Variants in RCOR2 observed in about 807,000 individuals in gnomAD.
The protein encoded by RCOR2 is REST corepressor 2.
In RCOR2, 19 loss-of-function variants were observed where a neutral mutation model predicts 58.9. The ratio of observed to expected loss-of-function variants is 0.32; its 90% CI spans 0.23 to 0.47. The LOEUF is 0.47. RCOR2 is among the 20% of genes least tolerant of loss of function. RCOR2 has a pLI of 1.00. For missense variants in RCOR2, 590 were observed against 707.9 expected (o/e 0.83, Z 1.89); for synonymous variants, 286 against 278.7 (o/e 1.03, Z -0.26).
At chr11:63,917,979 GC>G (rs1329614202), upstream of RCOR2, among the ~76,000 whole-genome samples, 1 of 152,128 alleles carries the variant, frequency 6.6e-6, no homozygotes, top group East Asian at 1.9e-4. Context: ...GACTTTCAAA[GC>G]CAGACCCAGC....
Position 63,912,065 on chromosome 11 carries a change from G to A in RCOR2, c.1372C>T (p.Pro458Ser). 1.4e-6 allele frequency: 2 copies of A among 1,466,458 alleles called. No homozygotes were observed. The highest frequency in any genetic ancestry group is 1.8e-6 in the Non-Finnish European group (2 of 1,115,134). 90.8% of individuals were successfully genotyped at this position (1,466,458 alleles called of 1,614,324 possible). A position where few individuals can be genotyped will look rare whatever the true frequency, so the allele number is the denominator to read the frequency against. Residue 458 changes from proline to serine, a missense_variant, in exon 12 of 12, where the codon CCC becomes TCC. Coordinates refer to ENST00000301459, the MANE Select transcript of RCOR2 (RefSeq NM_173587.4). ...TGTCGGAGCAGAGTGGGAGCCGTGG[G>A]CAAAGGTGGCCTCAGCAGCGGGGGT... Reference protein sequence around the residue: ...QPPPLLRPPLPTAPTLLRQPP... With the variant: ...QPPPLLRPPLSTAPTLLRQPP...
rs751062566 is a variant in RCOR2 at position 63,911,286 on chromosome 11, A to G, written c.*579T>C. The G allele has an allele frequency of 5.9e-5, 9 of 152,210 alleles. No individual in the cohort carries two copies. The highest frequency in any genetic ancestry group is 1.5e-5 in the Non-Finnish European group (1 of 68,058). 9.4% of individuals were successfully genotyped at this position (152,210 alleles called of 1,614,324 possible). A position where few individuals can be genotyped will look rare whatever the true frequency, so the allele number is the denominator to read the frequency against. On this transcript the variant is annotated 3_prime_UTR_variant, in exon 12 of 12. Coordinates refer to ENST00000301459, the MANE Select transcript of RCOR2 (RefSeq NM_173587.4). Reference sequence around the variant, plus strand: ...TGTTGAAAAATAAATCCATGTCTGCATAAGTTCCCAACCCCCATTTCTCCA... The same window carrying G: ...TGTTGAAAAATAAATCCATGTCTGCGTAAGTTCCCAACCCCCATTTCTCCA...
Position 63,916,408 on chromosome 11 carries a change from G to C in RCOR2, c.49C>G (p.Arg17Gly), listed in dbSNP as rs1303627722. The C allele has an allele frequency of 1.9e-6, 3 of 1,607,628 alleles. No individual in the cohort carries two copies. Among genetic ancestry groups the C allele is most frequent in the Non-Finnish European group, 2.5e-6 (3 of 1,177,878 alleles). The change falls in exon 1 of 12, where the codon CGT becomes GGT. Residue 17 changes from arginine (R) to glycine (G), a missense_variant. Transcript: ENST00000301459. Reference sequence around the variant, plus strand: ...TTGGGCACCGTCTTGGCCCGGCTACGGGACAGGATCCCAGAGCCCGCGCTC... The same window carrying C: ...TTGGGCACCGTCTTGGCCCGGCTACCGGACAGGATCCCAGAGCCCGCGCTC... The part of the protein sequence containing the change: ...KPSAGSGILS[R>G]SRAKTVPNGG...
intron 8 of RCOR2, 134 bp from the exon 9 acceptor site, chr11:63,913,081 C>A: frequency 1.4e-6 from 1 of 702,342 alleles, no homozygotes; most frequent in Admixed American, 2.7e-5. Context: ...CACCATCTGG[C>A]TTGTTCCTCC....
chr11:63,916,637 T>TC lies in RCOR2; in HGVS notation c.-182dup. The TC allele has an allele frequency of 9.5e-7, 1 of 1,053,524 alleles. No homozygotes were observed. Among genetic ancestry groups the TC allele is most frequent in the Non-Finnish European group, 1.3e-6 (1 of 758,712 alleles). 65.3% of individuals were successfully genotyped at this position (1,053,524 alleles called of 1,614,324 possible). ...GGAGCCCACCTGGTAGCCCCAGCGC[T>TC]CTCCACGACCCCCACGAGCCAGGGC... On this transcript the variant is annotated 5_prime_UTR_variant, in exon 1 of 12. Coordinates refer to ENST00000301459, the MANE Select transcript of RCOR2 (RefSeq NM_173587.4).
intron 3 of RCOR2, 57 bp from the exon 4 acceptor site, chr11:63,915,011 G>T: frequency 6.2e-7 from 1 of 1,605,008 alleles, no homozygotes; most frequent in South Asian, 1.1e-5. Context: ...CCTAACCCAG[G>T]CCTGTCCAGA....
Position 63,914,539 on chromosome 11 carries a change from C to T in RCOR2, c.483G>A (p.Leu161=). The change falls in exon 6 of 12, where the codon CTG becomes CTA. Residue 161 remains leucine (L), a splice_region_variant and synonymous_variant. Transcript: ENST00000301459. ...GKCFQRIQQM[L]PDKLIPSLVK... ...CCAGGCTGGGAATCAACTTGTCAGG[C>T]AGCTGGAGGAGGCAACGCCAGAAGC... 1 of 1,613,662 alleles carries T rather than the reference C, an allele frequency of 6.2e-7. No individual in the cohort carries two copies. The highest frequency in any genetic ancestry group is 2.2e-5 in the East Asian group (1 of 44,884).
At chr11:63,915,809 GTC>G (rs1941848926) in intron 1 of RCOR2, among the ~76,000 whole-genome samples, 198 bp from the exon 2 acceptor site, 1 of 152,194 alleles carries the variant, frequency 6.6e-6, no homozygotes, top group Non-Finnish European at 1.5e-5. Context: ...AAAAGACCCT[GTC>G]CAGCCATGGC....
chr11:63,913,082 T>C (rs1376700237), intron 8 of RCOR2, 135 bp from the exon 9 acceptor site: 2 of 703,590 alleles, frequency 2.8e-6, no homozygotes, highest in African/African-American at 3.6e-5. Flanking sequence ...ACCATCTGGC[T>C]TGTTCCTCCT....
chr11:63,912,394 G>A lies in RCOR2; in HGVS notation c.1168C>T (p.Gln390Ter). The A allele has an allele frequency of 6.2e-7, 1 of 1,613,804 alleles. No homozygotes were observed. Among genetic ancestry groups the A allele is most frequent in the Non-Finnish European group, 8.5e-7 (1 of 1,179,942 alleles). The change falls in exon 11 of 12, where the codon CAG (glutamine) becomes TAG (stop). Residue 390 changes from glutamine to a stop codon, truncating the protein, a stop_gained. Transcript: ENST00000301459. LOFTEE classifies it high-confidence loss of function. ...EEVLQEWEAE[Q>*]DGAPGAPVPM... ...ACTGGGGCTCCAGGGGCCCCATCCTGCTCAGCCTCCCATTCCTGCAGCACC... is the reference window on the plus strand; with the variant it reads ...ACTGGGGCTCCAGGGGCCCCATCCTACTCAGCCTCCCATTCCTGCAGCACC...
chr11:63,924,301 A>G, the RCOR2 span, among the ~76,000 whole-genome samples: 2 of 151,426 alleles, frequency 1.3e-5, no homozygotes, highest in Non-Finnish European at 2.9e-5. Flanking sequence ...TCCACCTCCC[A>G]GGTTAAAGCA....
At chr11:63,921,297 C>T (rs1941914711), upstream of RCOR2, among the ~76,000 whole-genome samples, 1 of 152,206 alleles carries the variant, frequency 6.6e-6, no homozygotes, top group African/African-American at 2.4e-5. Flanking sequence ...CTGGCGGTGA[C>T]CGCATGGACC....
the RCOR2 span, among the ~76,000 whole-genome samples, chr11:63,925,431 C>T: frequency 1.3e-5 from 2 of 152,062 alleles, no homozygotes; most frequent in Admixed American, 1.3e-4. Context: ...AAATGTAAGA[C>T]AAAAGACCAG....
chr11:63,927,147 C>T, the RCOR2 span, among the ~76,000 whole-genome samples: 1 of 147,894 alleles, frequency 6.8e-6, no homozygotes, highest in South Asian at 2.1e-4. Flanking sequence ...GGCCCCCTTG[C>T]TGTCTAATTC....
At chr11:63,923,984 C>T in the RCOR2 span, among the ~76,000 whole-genome samples, 1 of 152,240 alleles carries the variant, frequency 6.6e-6, no homozygotes, top group African/African-American at 2.4e-5. Context: ...TCTTGGCTCA[C>T]CACAACCTCC....
Position 63,914,668 on chromosome 11 carries a change from C to A in RCOR2, c.467G>T (p.Arg156Leu). 6.2e-7 allele frequency: 1 copy of A among 1,606,498 alleles called. No individual in the cohort carries two copies. Residue 156 changes from arginine to leucine, a missense_variant, in exon 5 of 12, where the codon CGG (arginine) becomes CTG (leucine). Arg to Leu is a moderately radical substitution (Grantham distance 102). Coordinates refer to ENST00000301459, the MANE Select transcript of RCOR2 (RefSeq NM_173587.4). ...GAAGGGCTTTACCATCTGCTGGATC[C>A]GCTGGAAGCATTTGCCATGGAAGCC... Reference protein sequence around the residue: ...AFGFHGKCFQRIQQMLPDKLI... With the variant: ...AFGFHGKCFQLIQQMLPDKLI...
intron 1 of RCOR2, 33 bp downstream of exon 1, chr11:63,916,296 CG>C: frequency 1.3e-6 from 2 of 1,569,868 alleles, no homozygotes; most frequent in Non-Finnish European, 1.7e-6. Context: ...CCCCCCAGGC[CG>C]GCGCGCCTTT....
chr11:63,924,340 T>C, the RCOR2 span, among the ~76,000 whole-genome samples: 1 of 152,200 alleles, frequency 6.6e-6, no homozygotes. Flanking sequence ...CCTGAGTAGC[T>C]GGGATTACAG....
rs1590732310 is a variant in RCOR2, at chr11:63,912,030, T to G, written c.1407A>C (p.Pro469=). The change falls in exon 12 of 12, where the codon CCA becomes CCC. Residue 469 remains proline (P), a synonymous_variant. Transcript: ENST00000301459. ...GCTGGAGGAAGCGGCCCTGCTGCAG[T>G]GGGGGTGGCTGTCGGAGCAGAGTGG... ...TAPTLLRQPP[P]LQQGRFLQPR... 3 of 1,166,946 alleles carry G rather than the reference T, an allele frequency of 2.6e-6. No homozygotes were observed. The highest frequency in any genetic ancestry group is 4.8e-5 in the African/African-American group (2 of 41,920). The allele number at this position is 1,166,946 out of a possible 1,614,324, so 72.3% of individuals were successfully genotyped here.
Sources: allele counts gnomAD v4.1 joint callset (sites outside exome capture counted in the v4.1 genomes callset), GRCh38; gene constraint gnomAD v4.1.1; transcripts MANE v1.5; gene names NCBI Gene and HGNC (gene_info 2026-07-23, HGNC 2026-07-21).